The following COG5 variants were observed in gnomAD, a reference collection of about 807,000 sequenced individuals.
The protein encoded by COG5 is conserved oligomeric Golgi complex subunit 5.
COG5 carries 86 observed loss-of-function variants against 110.4 expected under a neutral mutation model. The observed-to-expected ratio is 0.78, with a 90% CI of 0.65 to 0.93. The LOEUF (loss-of-function observed/expected upper bound fraction) is 0.93. Ranked by LOEUF, COG5 falls within the 40% of genes least tolerant of loss-of-function variation. COG5 has a pLI of 0.00. For synonymous variants in COG5, 360 were observed against 334.6 expected, an observed-to-expected ratio of 1.08 and a Z score of -0.83; for missense variants, 1,077 against 987.0, an observed-to-expected ratio of 1.09 and a Z score of -1.22.
rs779868604 is a variant in COG5 at position 107,563,899 on chromosome 7, T to C, written c.-3A>G. The C allele has an allele frequency of 6.8e-6, 11 of 1,613,706 alleles. No individual in the cohort carries two copies. Among genetic ancestry groups the C allele is most frequent in the South Asian group, 5.5e-5 (5 of 91,082 alleles). On this transcript the variant is annotated 5_prime_UTR_variant, in exon 1 of 22. Transcript: ENST00000297135. ...ACGCTGCCGCCGCCACCTTCCATGT[T>C]GGCAGGTGCCGGGTTGATGTCGTCA...
chr7:107,291,964 G>A (rs1214499239), intron 12 of COG5, among the ~76,000 whole-genome samples: 1 of 152,178 alleles, frequency 6.6e-6, no homozygotes, highest in Non-Finnish European at 1.5e-5. Flanking sequence ...CTTACTTGGG[G>A]AAGAGAATAG....
intron 5 of COG5, among the ~76,000 whole-genome samples, chr7:107,538,691 G>C (rs1174769394): frequency 6.6e-6 from 1 of 151,064 alleles, no homozygotes; most frequent in Non-Finnish European, 1.5e-5. Context: ...TCCTCAAAAT[G>C]TTAAACATAG....
intron 16 of COG5, among the ~76,000 whole-genome samples, chr7:107,249,868 G>A (rs1802362944): frequency 6.6e-6 from 1 of 152,030 alleles, no homozygotes; most frequent in Non-Finnish European, 1.5e-5. Context: ...TGAGCGTCAT[G>A]TTGACACTAA....
Position 107,298,442 on chromosome 7 carries a change from T to C in COG5, c.1109-96A>G, listed in dbSNP as rs941160753. ...GATATGTTCCAAATAACCCATACTA[T>C]AGGGCAAACCAAAGACGTGTTCTAA... On this transcript the variant is annotated intron_variant, in intron 11 of 21. Coordinates refer to ENST00000297135, the MANE Select transcript of COG5 (RefSeq NM_006348.5). 12 of 940,450 alleles carry C rather than the reference T, an allele frequency of 1.3e-5. No individual in the cohort carries two copies. In the African/African-American group the frequency reaches 1.6e-4, roughly 13 times the overall value. The allele number at this position is 940,450 out of a possible 1,614,324, so 58.3% of individuals were successfully genotyped here.
At chr7:107,541,927 C>T (rs1802069073) in intron 5 of COG5, among the ~76,000 whole-genome samples, 2 of 144,514 alleles carry the variant, frequency 1.4e-5, no homozygotes, top group African/African-American at 5.2e-5. Context: ...GAGACTCCAT[C>T]TCAAAAAAGA....
chr7:107,295,064 C>T (rs868187335), intron 12 of COG5, among the ~76,000 whole-genome samples: 671 of 54,090 alleles, frequency 0.012, 1 homozygote, highest in East Asian at 0.032. Flanking sequence ...CACACACACA[C>T]ACATATATAT....
At chr7:107,432,891 A>T (rs932448201) in intron 6 of COG5, among the ~76,000 whole-genome samples, 1 of 152,154 alleles carries the variant, frequency 6.6e-6, no homozygotes, top group African/African-American at 2.4e-5. Flanking sequence ...AAGTAAAATT[A>T]TCTCTGTTCA....
At chr7:107,367,916 C>T (rs1164342451) in intron 8 of COG5, among the ~76,000 whole-genome samples, 1 of 151,464 alleles carries the variant, frequency 6.6e-6, no homozygotes, top group Non-Finnish European at 1.5e-5. Flanking sequence ...CACTTGTACC[C>T]CTAAAGCTAC....
chr7:107,262,684 C>A (rs1803453534), intron 14 of COG5, among the ~76,000 whole-genome samples: 1 of 152,020 alleles, frequency 6.6e-6, no homozygotes, highest in African/African-American at 2.4e-5. Flanking sequence ...TGTTCCTCAC[C>A]TTCTCCTCAT....
chr7:107,311,451 T>C (rs1311682079), intron 11 of COG5, among the ~76,000 whole-genome samples: 2 of 122,520 alleles, frequency 1.6e-5, no homozygotes, highest in African/African-American at 3.0e-5. Flanking sequence ...CGGACTGCAG[T>C]GGCGCAATCT....
chr7:107,205,827 G>A (rs1461259724), intron 21 of COG5, among the ~76,000 whole-genome samples: 1 of 152,128 alleles, frequency 6.6e-6, no homozygotes, highest in Admixed American at 6.5e-5. Context: ...TGTATCAACA[G>A]CCTTGACTTA....
intron 7 of COG5, among the ~76,000 whole-genome samples, chr7:107,378,928 CAA>C (rs773235449): frequency 1.3e-5 from 2 of 152,120 alleles, no homozygotes; most frequent in Non-Finnish European, 2.9e-5. Context: ...GAGAACACCA[CAA>C]AGATACTCCT....
At chr7:107,518,501 G>A (rs1425051306) in intron 6 of COG5, among the ~76,000 whole-genome samples, 2 of 151,996 alleles carry the variant, frequency 1.3e-5, no homozygotes, top group Admixed American at 1.3e-4. Flanking sequence ...AAAAGCAGGG[G>A]TTACAATCCT....
intron 14 of COG5, 123 bp from the exon 15 acceptor site, chr7:107,258,506 C>A (rs1448791036): frequency 1.1e-5 from 8 of 721,630 alleles, no homozygotes; most frequent in Non-Finnish European, 2.0e-5. Context: ...GAAGTTCATG[C>A]CCCTCTGACA....
chr7:107,524,288 TCCACATC>T (rs1800573323), intron 6 of COG5, among the ~76,000 whole-genome samples: 1 of 152,188 alleles, frequency 6.6e-6, no homozygotes, highest in Non-Finnish European at 1.5e-5. Flanking sequence ...TAGTAGTCAC[TCCACATC>T]CCAGTCTCAT....
At chr7:107,431,171 C>T (rs547941960) in intron 6 of COG5, among the ~76,000 whole-genome samples, 2 of 152,284 alleles carry the variant, frequency 1.3e-5, no homozygotes, top group African/African-American at 4.8e-5. Flanking sequence ...TTTAAGCCAT[C>T]AAATTTGTGG....
At chr7:107,365,596 C>CAAAAAAAAAAAAAAAAAAAAAAAAAA (rs71134263) in intron 8 of COG5, among the ~76,000 whole-genome samples, 1 of 36,690 alleles carries the variant, frequency 2.7e-5, no homozygotes, top group East Asian at 1.3e-3. Context: ...TGCAAAATGA[C>CAAAAAAAAAAAAAAAAAAAAAAAAAA]AAAAAAAAAA....
chr7:107,398,427 T>G (rs1362530099), intron 7 of COG5, among the ~76,000 whole-genome samples: 1 of 152,140 alleles, frequency 6.6e-6, no homozygotes, highest in Non-Finnish European at 1.5e-5. Context: ...CTGCCTCCTG[T>G]CAGATCAGCA....
At chr7:107,296,268 T>G (rs1231354621) in intron 12 of COG5, among the ~76,000 whole-genome samples, 1 of 152,136 alleles carries the variant, frequency 6.6e-6, no homozygotes, top group Non-Finnish European at 1.5e-5. Flanking sequence ...AAATTAGGAT[T>G]CCACCTCCTG....
Sources: gnomAD v4.1 joint callset for allele counts (sites outside exome capture counted in the v4.1 genomes callset) on GRCh38, gnomAD v4.1.1 for gene constraint, MANE v1.5 for transcripts, NCBI Gene and HGNC (gene_info 2026-07-23, HGNC 2026-07-21) for gene names.